Variants in EIF4E2 observed in about 807,000 individuals in gnomAD.
EIF4E2 encodes the protein eukaryotic translation initiation factor 4E type 2.
EIF4E2 carries 13 observed loss-of-function variants against 34.2 expected under a neutral mutation model. The observed-to-expected ratio is 0.38, with a 90% CI of 0.25 to 0.60. EIF4E2 has a LOEUF of 0.60. EIF4E2 is among the 20% of genes least tolerant of loss of function. The pLI is 0.62. For missense variants in EIF4E2, 222 were observed against 315.1 expected, an observed-to-expected ratio of 0.70 and a Z score of 2.24; for synonymous variants, 100 against 106.6, an observed-to-expected ratio of 0.94 and a Z score of 0.38.
chr2:232,556,891 G>A (rs1692542962), intron 2 of EIF4E2, among the ~76,000 whole-genome samples: 2 of 152,170 alleles, frequency 1.3e-5, no homozygotes, highest in South Asian at 4.1e-4. Flanking sequence ...TAAGGTGAAA[G>A]TGACTTGGAA....
downstream of EIF4E2, among the ~76,000 whole-genome samples, chr2:232,572,400 CTG>C (rs980164568): frequency 6.6e-6 from 1 of 152,182 alleles, no homozygotes; most frequent in African/African-American, 2.4e-5. Flanking sequence ...GAGTCTCACT[CTG>C]TCACCCAGGC....
Position 232,579,814 on chromosome 2 carries a change from A to G in EIF4E2, c.666-1090A>G, listed in dbSNP as rs13339882. ...TAGGTCAGTTAAAGCCAGAGCTTCT[A>G]GAATGTCCCTTTAAAATCAAAGAGA... On this transcript the variant is annotated intron_variant, in intron 6 of 6. Transcript: ENST00000409098. Among the ~76,000 whole-genome samples the G allele has an allele frequency of 8.4e-3, 1,274 of 152,318 alleles. 18 individuals carry two copies. Among genetic ancestry groups the G allele is most frequent in the African/African-American group, 0.029 (1,218 of 41,564 alleles).
exon 7 of EIF4E2, chr2:232,582,840 T>TAG (rs1481599865): frequency 6.6e-6 from 1 of 152,244 alleles, no homozygotes; most frequent in Non-Finnish European, 1.5e-5. Context: ...TTTTGAATCT[T>TAG]ACGTTTTCTA....
chr2:232,567,871 T>C, intron 6 of EIF4E2: 1 of 985,472 alleles, frequency 1.0e-6, no homozygotes, highest in Non-Finnish European at 1.2e-6. Context: ...AAGCTCAGGC[T>C]ATTGTGAAAA....
downstream of EIF4E2, chr2:232,573,742 AAGGG>A: frequency 2.3e-5 from 6 of 256,694 alleles, no homozygotes; most frequent in South Asian, 4.5e-5. Flanking sequence ...CTGAGTGTAG[AAGGG>A]TTAGAAGGTC....
At position 232,556,519 on chromosome 2, in the gene EIF4E2, A is replaced by G. The variant is rs1342239129; in HGVS notation, c.124A>G (p.Ser42Gly). 6.2e-7 allele frequency: 1 copy of G among 1,611,184 alleles called. No individual in the cohort carries two copies. The highest frequency in any genetic ancestry group is 1.1e-5 in the South Asian group (1 of 90,484). ...GGAACGAGACAAGAATCAGAGCAGT[A>G]GCAAGAGAAAGGTGAGTGTTGGCTG... ...KTERDKNQSS[S>G]KRKAVVPGPA... The change falls in exon 2 of 7, where the codon AGC becomes GGC. Residue 42 changes from serine to glycine, a missense_variant. Ser to Gly is a moderately conservative substitution (Grantham distance 56). This residue lies in a region of EIF4E2 where 87 missense variants were observed against 93.6 expected (regional missense o/e 0.93). Coordinates refer to ENST00000258416, the MANE Select transcript of EIF4E2 (RefSeq NM_004846.4).
chr2:232,582,042 A>G (rs1205673042), exon 7 of EIF4E2: 1 of 152,526 alleles, frequency 6.6e-6, no homozygotes, highest in Non-Finnish European at 1.5e-5. Context: ...AACCTCTTGA[A>G]GACTGCTGCA....
At chr2:232,555,955 A>G (rs1298724397) in intron 1 of EIF4E2, among the ~76,000 whole-genome samples, 2 of 152,082 alleles carry the variant, frequency 1.3e-5, no homozygotes, top group African/African-American at 2.4e-5. Context: ...GGAATTTATT[A>G]TATGATTGAC....
At chr2:232,577,479 C>G (rs181619137) in intron 6 of EIF4E2, among the ~76,000 whole-genome samples, 1 of 152,300 alleles carries the variant, frequency 6.6e-6, no homozygotes, top group East Asian at 1.9e-4. Context: ...ACTTTGCCCC[C>G]CTGTCATCCA....
downstream of EIF4E2, chr2:232,573,653 G>C (rs764397399): frequency 6.0e-6 from 1 of 167,750 alleles, no homozygotes; most frequent in African/African-American, 2.4e-5. Context: ...TGGAAATTTT[G>C]AACTGCCGTG....
At chr2:232,573,061 C>T (rs1020247137), downstream of EIF4E2, among the ~76,000 whole-genome samples, 23 of 152,354 alleles carry the variant, frequency 1.5e-4, no homozygotes, top group African/African-American at 5.3e-4. Flanking sequence ...TCACAAAGCA[C>T]ATCACATCAC....
chr2:232,560,653 C>T (rs189792902), intron 3 of EIF4E2, among the ~76,000 whole-genome samples: 6 of 152,124 alleles, frequency 3.9e-5, no homozygotes, highest in South Asian at 4.2e-4. Flanking sequence ...CTTCAAAGGA[C>T]GCTATCAAGA....
chr2:232,573,560 T>G (rs1693140069), downstream of EIF4E2, among the ~76,000 whole-genome samples: 1 of 152,214 alleles, frequency 6.6e-6, no homozygotes, highest in South Asian at 2.1e-4. Context: ...CACGTACCAC[T>G]TCTGTCACAT....
chr2:232,573,983 A>T, downstream of EIF4E2: 1 of 632,088 alleles, frequency 1.6e-6, no homozygotes, highest in Non-Finnish European at 3.0e-6. Context: ...CCTCCCCTGG[A>T]GCCTTGTTGA....
chr2:232,576,073 A>G (rs185250585), intron 6 of EIF4E2, among the ~76,000 whole-genome samples: 285 of 152,198 alleles, frequency 1.9e-3, no homozygotes, highest in African/African-American at 5.4e-3. Flanking sequence ...GCGTGGTGGC[A>G]CACACCTGTT....
In EIF4E2 at chr2:232,568,950, C is replaced by G; in HGVS notation, c.671C>G (p.Pro224Arg). 9.3e-6 allele frequency: 15 copies of G among 1,614,204 alleles called. No individual in the cohort carries two copies. The highest frequency in any genetic ancestry group is 1.3e-5 in the African/African-American group (1 of 75,048). ...ACCTTTTGCACTTCCACTAGAATGC[C>G]AGGCAGGCTGGGCCCCCAAAGGCTC... ...YKTHTDSIKM[P>R]GRLGPQRLLF... The change falls in exon 7 of 7, where the codon CCA (proline) becomes CGA (arginine). Residue 224 changes from proline (P) to arginine (R), a missense_variant. Around this residue, in one of 3 missense-constraint regions of EIF4E2, gnomAD observed 30 missense variants for 26.3 expected, o/e 1.14. Transcript: ENST00000258416.
chr2:232,561,261 T>G lies in EIF4E2; in HGVS notation c.271-2986T>G, dbSNP rs377090523. Among the ~76,000 whole-genome samples, 23 of 152,260 alleles carry G rather than the reference T, an allele frequency of 1.5e-4. No individual in the cohort carries two copies. In the East Asian group the frequency reaches 4.4e-3, roughly 29 times the overall value. Reference sequence around the variant, plus strand: ...CCAGCCTGGGCAACATAGTGAGATCTTATCTCAAAAAAAGATTTTTTTGGA... The same window carrying G: ...CCAGCCTGGGCAACATAGTGAGATCGTATCTCAAAAAAAGATTTTTTTGGA... On this transcript the variant is annotated intron_variant, in intron 3 of 6. Transcript: ENST00000258416.
At position 232,581,078 on chromosome 2, in the gene EIF4E2, C is replaced by A; in HGVS notation, c.*135C>A. Reference sequence around the variant, plus strand: ...CGTGCGCTCTCCTTTTGCACTCATTCCTGGAGGACGGATTCCGCTAGACAC... The same window carrying A: ...CGTGCGCTCTCCTTTTGCACTCATTACTGGAGGACGGATTCCGCTAGACAC... On this transcript the variant is annotated 3_prime_UTR_variant, in exon 7 of 7. Coordinates refer to the EIF4E2 transcript ENST00000409098. This position sits in a 1 kb window ranked among gnomAD's most constrained non-coding sequence, Gnocchi z 5.2. 1 of 888,448 alleles carries A rather than the reference C, an allele frequency of 1.1e-6. No individual in the cohort carries two copies. Among genetic ancestry groups the A allele is most frequent in the Non-Finnish European group, 1.8e-6 (1 of 542,672 alleles). 55.0% of individuals were successfully genotyped at this position (888,448 alleles called of 1,614,324 possible). A position where few individuals can be genotyped will look rare whatever the true frequency, so the allele number is the denominator to read the frequency against.
chr2:232,568,868 G>T, intron 6 of EIF4E2, 77 bp from the exon 7 acceptor site: 1 of 1,595,922 alleles, frequency 6.3e-7, no homozygotes, highest in South Asian at 1.1e-5. Context: ...AACCCTCTTT[G>T]AGACCCAGAT....
Sources: allele counts gnomAD v4.1 joint callset (sites outside exome capture counted in the v4.1 genomes callset), GRCh38; gene constraint gnomAD v4.1.1; regional missense constraint gnomAD v4.1.1; non-coding constraint Gnocchi (gnomAD v3.1); transcripts MANE v1.5; gene names NCBI Gene and HGNC (gene_info 2026-07-23, HGNC 2026-07-21).